Variants in SFMBT2 observed in about 807,000 individuals in gnomAD.
SFMBT2 encodes the protein scm-like with four MBT domains protein 2.
In SFMBT2, 38 loss-of-function variants were observed where a neutral mutation model predicts 110.1. The ratio of observed to expected loss-of-function variants is 0.35; its 90% confidence interval spans 0.27 to 0.45. The LOEUF (loss-of-function observed/expected upper bound fraction) is 0.45. SFMBT2 is among the 20% of genes least tolerant of loss of function. SFMBT2 has a pLI of 1.00. For missense variants in SFMBT2, 1,011 were observed against 1,094.9 expected (o/e 0.92, Z 1.08); for synonymous variants, 425 against 425.4 (o/e 1.00, Z 0.01).
At chr10:7,344,627 A>G (rs1475250847) in intron 4 of SFMBT2, among the ~76,000 whole-genome samples, 1 of 152,136 alleles carries the variant, frequency 6.6e-6, no homozygotes, top group Non-Finnish European at 1.5e-5. Context: ...GAGGGAATCA[A>G]GAAAGTTCTC....
In SFMBT2 at chr10:7,174,880, A is replaced by G. The variant is rs1044932899; in HGVS notation, c.1984+1110T>C. Reference sequence around the variant, plus strand: ...GAGGCCCTGTGCACAGAATGAGGGGAGGTCTGTGTGATCAGTGAGGGCACA... The same window carrying G: ...GAGGCCCTGTGCACAGAATGAGGGGGGGTCTGTGTGATCAGTGAGGGCACA... On this transcript the variant is annotated intron_variant, in intron 17 of 20. Coordinates refer to ENST00000397167, the MANE Select transcript of SFMBT2 (RefSeq NM_001387889.1). Among the ~76,000 whole-genome samples the G allele has an allele frequency of 3.9e-5, 6 of 152,204 alleles. No individual in the cohort carries two copies. In the South Asian group the frequency reaches 8.3e-4, roughly 21 times the overall value.
chr10:7,189,503 G>A (rs1838530644), intron 15 of SFMBT2, among the ~76,000 whole-genome samples: 1 of 152,218 alleles, frequency 6.6e-6, no homozygotes, highest in African/African-American at 2.4e-5. Flanking sequence ...CCCCTAAGGT[G>A]CTCACCTTTC....
At chr10:7,370,468 G>T in intron 2 of SFMBT2, 93 bp from the exon 3 acceptor site, 2 of 1,051,290 alleles carry the variant, frequency 1.9e-6, no homozygotes, top group Non-Finnish European at 2.9e-6. Flanking sequence ...CTTCATACAA[G>T]ACACAAGCTA....
At position 7,376,388 on chromosome 10, in the gene SFMBT2, T is replaced by C. The variant is rs146788220; in HGVS notation, c.100+5411A>G. ...TTCATTTACAGGACTTGGGTGTCGG[T>C]TATTGATCTCAACTGTGATTTGAGC... is the stretch of plus-strand genomic sequence containing the variant. On this transcript the variant is annotated intron_variant, in intron 2 of 20. Coordinates refer to ENST00000397167, the MANE Select transcript of SFMBT2 (RefSeq NM_001387889.1). Among the ~76,000 whole-genome samples, 733 of 152,148 alleles carry C rather than the reference T, an allele frequency of 4.8e-3. 10 individuals are homozygous for C. The highest frequency in any genetic ancestry group is 0.017 in the African/African-American group (702 of 41,494).
intron 4 of SFMBT2, chr10:7,348,401 G>A (rs1844188595): frequency 7.5e-7 from 1 of 1,334,798 alleles, no homozygotes; most frequent in South Asian, 1.8e-5. Context: ...GATGGGCTTT[G>A]GGGGGCTCTT....
At chr10:7,186,919 A>G (rs951840224) in intron 16 of SFMBT2, among the ~76,000 whole-genome samples, 1 of 152,060 alleles carries the variant, frequency 6.6e-6, no homozygotes, top group Non-Finnish European at 1.5e-5. Context: ...ACATTTTCTC[A>G]TTAGAAGTTG....
chr10:7,292,498 CAT>C (rs1202385346), intron 4 of SFMBT2, among the ~76,000 whole-genome samples: 1 of 152,162 alleles, frequency 6.6e-6, no homozygotes, highest in East Asian at 1.9e-4. Context: ...GGTTCAAACA[CAT>C]AGATAAAAGT....
chr10:7,247,320 T>C (rs1399880551), intron 8 of SFMBT2, among the ~76,000 whole-genome samples: 1 of 152,204 alleles, frequency 6.6e-6, no homozygotes, highest in Non-Finnish European at 1.5e-5. Context: ...TTTCACCCTG[T>C]TGGCCAGGCT....
chr10:7,184,057 C>T (rs149385119), intron 16 of SFMBT2, among the ~76,000 whole-genome samples: 53 of 152,288 alleles, frequency 3.5e-4, no homozygotes, highest in Middle Eastern at 6.8e-3. Flanking sequence ...ATATGTGTGG[C>T]CTTCCACTTC....
intron 16 of SFMBT2, chr10:7,176,710 G>C (rs1165077952): frequency 1.3e-5 from 2 of 155,240 alleles, no homozygotes; most frequent in African/African-American, 4.8e-5. Flanking sequence ...AGGTAAGCAA[G>C]GTCACATTTA....
rs531060781 is a variant in SFMBT2, at chr10:7,393,743, C to T, written c.-51-11794G>A. ...GCTAATGGGAGGTGTACGGGATTCACGTGTCCAACTACACGGTGGAAGGGG... is the reference window on the plus strand; with the variant it reads ...GCTAATGGGAGGTGTACGGGATTCATGTGTCCAACTACACGGTGGAAGGGG... On this transcript the variant is annotated intron_variant, in intron 1 of 20. Coordinates refer to ENST00000397167, the MANE Select transcript of SFMBT2 (RefSeq NM_001387889.1). Among the ~76,000 whole-genome samples, 49 of 152,292 alleles carry T rather than the reference C, an allele frequency of 3.2e-4. 1 individual carries two copies. The highest frequency in any genetic ancestry group is 8.3e-4 in the South Asian group (4 of 4,820).
At chr10:7,406,811 C>G (rs937280509) in intron 1 of SFMBT2, among the ~76,000 whole-genome samples, 7 of 152,280 alleles carry the variant, frequency 4.6e-5, no homozygotes, top group Admixed American at 4.6e-4. Flanking sequence ...CAGTTCCCAC[C>G]TCAGCAGGCC....
chr10:7,200,928 T>C (rs1291816201), intron 13 of SFMBT2: 6 of 794,176 alleles, frequency 7.6e-6, no homozygotes, highest in African/African-American at 1.9e-5. Context: ...GCGGGAGTCA[T>C]GGCCACACTA....
chr10:7,256,578 T>C (rs1157611443), intron 7 of SFMBT2, among the ~76,000 whole-genome samples: 1 of 152,232 alleles, frequency 6.6e-6, no homozygotes, highest in African/African-American at 2.4e-5. Flanking sequence ...TGTGTGTTTA[T>C]ACAGTAAGCA....
At chr10:7,281,389 C>G (rs1241942976) in intron 6 of SFMBT2, among the ~76,000 whole-genome samples, 3 of 152,224 alleles carry the variant, frequency 2.0e-5, no homozygotes, top group East Asian at 1.9e-4. Flanking sequence ...TGCACACCCC[C>G]CTCCCACTGG....
In SFMBT2 at chr10:7,160,625, A is replaced by T. The variant is rs1837525924; in HGVS notation, c.*3145T>A. The T allele has an allele frequency of 6.6e-6, 1 of 152,134 alleles. No homozygotes were observed. 9.4% of individuals were successfully genotyped at this position (152,134 alleles called of 1,614,324 possible). A position where few individuals can be genotyped will look rare whatever the true frequency, so the allele number is the denominator to read the frequency against. On this transcript the variant is annotated 3_prime_UTR_variant, in exon 21 of 21. Coordinates refer to ENST00000397167, the MANE Select transcript of SFMBT2 (RefSeq NM_001387889.1). ...CACTTTTTGGTGTTTAGACCATGAC[A>T]TTGTTGGCCTAGGGGCTATGGTGGC...
upstream of SFMBT2, among the ~76,000 whole-genome samples, chr10:7,411,193 G>A (rs558476734): frequency 2.0e-5 from 3 of 149,450 alleles, no homozygotes; most frequent in Admixed American, 1.4e-4. Flanking sequence ...CAATTAGCCT[G>A]CGGGACGTGA....
At chr10:7,181,111 C>T (rs551508718) in intron 16 of SFMBT2, among the ~76,000 whole-genome samples, 6 of 152,024 alleles carry the variant, frequency 3.9e-5, no homozygotes, top group Middle Eastern at 3.4e-3. Context: ...TGGTGGTGCA[C>T]GCCTGTAGTC....
In SFMBT2 at chr10:7,301,928, C is replaced by T. The variant is rs949525786; in HGVS notation, c.437-15974G>A. The stretch of plus-strand genomic sequence containing the variant: ...AGCTAATCCAGCATAGTTATGCAGA[C>T]TAGAACCTCCACTGACCCCAAGGGA... On this transcript the variant is annotated intron_variant, in intron 4 of 20. Coordinates refer to ENST00000397167, the MANE Select transcript of SFMBT2 (RefSeq NM_001387889.1). This position sits in a 1 kb window ranked among gnomAD's most constrained non-coding sequence, Gnocchi z 4.2. Among the ~76,000 whole-genome samples the T allele has an allele frequency of 2.0e-5, 3 of 152,106 alleles. No individual in the cohort carries two copies. The highest frequency in any genetic ancestry group is 7.2e-5 in the African/African-American group (3 of 41,404).
Sources: allele counts gnomAD v4.1 joint callset (sites outside exome capture counted in the v4.1 genomes callset), GRCh38; gene constraint gnomAD v4.1.1; non-coding constraint Gnocchi (gnomAD v3.1); transcripts MANE v1.5; gene names NCBI Gene and HGNC (gene_info 2026-07-23, HGNC 2026-07-21).